RNF130: variants seen among roughly 807,000 people sequenced by gnomAD.
The protein encoded by RNF130 is E3 ubiquitin-protein ligase RNF130.
A neutral mutation model predicts 44.6 loss-of-function variants in RNF130; 21 were observed. That is an observed-to-expected ratio of 0.47 (90% CI 0.33 to 0.68). The LOEUF (loss-of-function observed/expected upper bound fraction) is 0.68, where lower values mean the gene tolerates loss of function less well. RNF130 is among the 30% of genes least tolerant of loss of function. The pLI is 0.02. For missense variants in RNF130, 479 were observed against 560.6 expected (o/e 0.85, Z 1.47); for synonymous variants, 214 against 210.4 (o/e 1.02, Z -0.15).
intron 1 of RNF130, among the ~76,000 whole-genome samples, chr5:180,042,528 CAG>C (rs1764446143): frequency 6.6e-6 from 1 of 152,138 alleles, no homozygotes; most frequent in African/African-American, 2.4e-5. Flanking sequence ...AATCCTGAAA[CAG>C]ATTGTTTACT....
rs997212930 is a variant in RNF130, at chr5:179,980,387, A to G, written c.694-187T>C. ...AGATTCAGCATTCTGGTTGAAAAGTAAAAAGTGTTAGAACACCCTGTTAGG... is the reference window on the plus strand; with the variant it reads ...AGATTCAGCATTCTGGTTGAAAAGTGAAAAGTGTTAGAACACCCTGTTAGG... On this transcript the variant is annotated intron_variant, in intron 3 of 8. Coordinates refer to ENST00000521389, the MANE Select transcript of RNF130 (RefSeq NM_018434.6). 8.9e-6 allele frequency: 5 copies of G among 563,530 alleles called. No homozygotes were observed. The African/African-American group carries it at 9.4e-5, about 11-fold the overall frequency. 34.9% of individuals were successfully genotyped at this position (563,530 alleles called of 1,614,324 possible).
At chr5:180,037,488 C>G (rs1764276853) in intron 2 of RNF130, among the ~76,000 whole-genome samples, 1 of 152,160 alleles carries the variant, frequency 6.6e-6, no homozygotes, top group Admixed American at 6.5e-5. Context: ...TCACAGAGCA[C>G]GTCAGTGGAA....
chr5:179,980,374 C>T (rs1041457512), intron 3 of RNF130, 174 bp from the exon 4 acceptor site: 15 of 585,596 alleles, frequency 2.6e-5, no homozygotes, highest in Non-Finnish European at 3.9e-5. Context: ...ATTCAGCATT[C>T]TGGTTGAAAA....
intron 1 of RNF130, among the ~76,000 whole-genome samples, chr5:180,053,331 A>G (rs1203860374): frequency 6.6e-6 from 1 of 152,340 alleles, no homozygotes; most frequent in East Asian, 1.9e-4. Flanking sequence ...AACAGAAGTG[A>G]CAAGTCACAT....
intron 7 of RNF130, among the ~76,000 whole-genome samples, chr5:179,965,765 T>G (rs1762428411): frequency 6.6e-6 from 1 of 152,226 alleles, no homozygotes; most frequent in African/African-American, 2.4e-5. Context: ...GAAGCCTCCC[T>G]GAGTTTACAC....
chr5:179,983,042 T>C (rs1448222016), intron 3 of RNF130, among the ~76,000 whole-genome samples: 2 of 152,252 alleles, frequency 1.3e-5, no homozygotes, highest in African/African-American at 4.8e-5. Flanking sequence ...TCATGTGTTT[T>C]GCCTATATTT....
chr5:179,952,775 G>A (rs916457757), downstream of RNF130, among the ~76,000 whole-genome samples: 2 of 152,100 alleles, frequency 1.3e-5, no homozygotes, highest in Admixed American at 6.5e-5. Flanking sequence ...CAAAGCTTCC[G>A]ACAGAATCAA....
chr5:180,029,168 A>T (rs1407755104), intron 2 of RNF130, among the ~76,000 whole-genome samples: 1 of 152,172 alleles, frequency 6.6e-6, no homozygotes, highest in African/African-American at 2.4e-5. Context: ...CAACTAAAAC[A>T]TTTTTTTCTT....
At position 180,045,586 on chromosome 5, in the gene RNF130, A is replaced by G. The variant is rs555318365; in HGVS notation, c.248-4939T>C. On this transcript the variant is annotated intron_variant, in intron 1 of 8. Transcript: ENST00000521389. ...TGCTTTTATTCCCTTATCTGACCCC[A>G]CCCACATCCTAATTGGTCAATTTTA... Among the ~76,000 whole-genome samples, 5 of 152,172 alleles carry G rather than the reference A, an allele frequency of 3.3e-5. No individual in the cohort carries two copies. The East Asian group carries it at 7.8e-4, about 24-fold the overall frequency.
chr5:179,952,034 A>G (rs1762133553), downstream of RNF130, among the ~76,000 whole-genome samples: 1 of 152,068 alleles, frequency 6.6e-6, no homozygotes, highest in African/African-American at 2.4e-5. Flanking sequence ...GAAATAAAAT[A>G]ATAAAGATTT....
rs1405563758 is a variant in RNF130, at chr5:179,966,799, C to A, written c.1150+7G>T. On this transcript the variant is annotated splice_region_variant and intron_variant, in intron 7 of 8. Coordinates refer to ENST00000521389, the MANE Select transcript of RNF130 (RefSeq NM_018434.6). ...TGCCCTGTGCCTGAGCGGAGGCCCC[C>A]ACTTACTTGTTACTGCAATGTTGAT... 4 of 1,611,860 alleles carry A rather than the reference C, an allele frequency of 2.5e-6. No homozygotes were observed. Among genetic ancestry groups the A allele is most frequent in the Non-Finnish European group, 3.4e-6 (4 of 1,178,968 alleles).
At chr5:179,968,338 G>C (rs1200448159) in intron 6 of RNF130, among the ~76,000 whole-genome samples, 1 of 150,380 alleles carries the variant, frequency 6.6e-6, no homozygotes, top group African/African-American at 2.5e-5. Context: ...GCGGCTAGCG[G>C]TAACAACAGA....
chr5:180,013,333 T>C (rs1047257169), intron 2 of RNF130, 22 bp from the exon 3 acceptor site: 3 of 1,577,302 alleles, frequency 1.9e-6, no homozygotes, highest in Non-Finnish European at 2.6e-6. Context: ...AATAAATATA[T>C]AACTCAAGTG....
At chr5:179,949,403 G>A (rs1460854542) in intron 7 of RNF130, among the ~76,000 whole-genome samples, 1 of 151,336 alleles carries the variant, frequency 6.6e-6, no homozygotes. Flanking sequence ...GGGCTTATAA[G>A]AACAAGCCAC....
chr5:179,942,430 G>A (rs917407137), intron 7 of RNF130, among the ~76,000 whole-genome samples: 4 of 152,052 alleles, frequency 2.6e-5, no homozygotes, highest in African/African-American at 4.8e-5. Flanking sequence ...TATATGGTCC[G>A]TATGCTCTTT....
At chr5:179,978,088 T>C in intron 5 of RNF130, 115 bp downstream of exon 5, 1 of 844,452 alleles carries the variant, frequency 1.2e-6, no homozygotes, top group Admixed American at 1.9e-5. Flanking sequence ...GGACTTGGCC[T>C]CCAGAAAGCC....
intron 1 of RNF130, among the ~76,000 whole-genome samples, chr5:180,060,096 C>T (rs1764938267): frequency 6.6e-6 from 1 of 152,160 alleles, no homozygotes; most frequent in African/African-American, 2.4e-5. Flanking sequence ...ACACAGGCAG[C>T]TTCTACAAGC....
At chr5:180,058,242 A>G (rs1330002107) in intron 1 of RNF130, among the ~76,000 whole-genome samples, 1 of 152,192 alleles carries the variant, frequency 6.6e-6, no homozygotes, top group East Asian at 1.9e-4. Flanking sequence ...TGGCTACATC[A>G]GTGTGTTCAT....
chr5:180,034,270 T>G (rs542403093), intron 2 of RNF130, among the ~76,000 whole-genome samples: 48 of 152,244 alleles, frequency 3.2e-4, no homozygotes, highest in African/African-American at 1.1e-3. Flanking sequence ...ATTACTAGAT[T>G]CTATTTGCTA....
Sources: gnomAD v4.1 joint callset for allele counts (sites outside exome capture counted in the v4.1 genomes callset) on GRCh38, gnomAD v4.1.1 for gene constraint, MANE v1.5 for transcripts, NCBI Gene and HGNC (gene_info 2026-07-23, HGNC 2026-07-21) for gene names.